ZMYM2: variants seen among roughly 807,000 people sequenced by gnomAD.
ZMYM2 encodes the protein zinc finger MYM-type protein 2.
A neutral mutation model predicts 162.8 loss-of-function variants in ZMYM2; 56 were observed. The ratio of observed to expected loss-of-function variants is 0.34; its 90% CI spans 0.28 to 0.43. ZMYM2 has a LOEUF of 0.43. Ranked by LOEUF, ZMYM2 falls within the 20% of genes least tolerant of loss-of-function variation. The pLI, the probability that ZMYM2 is intolerant of heterozygous loss-of-function variation, is 1.00. For missense variants in ZMYM2, 1,275 were observed against 1,621.8 expected (o/e 0.79, Z 3.67); for synonymous variants, 510 against 541.6 (o/e 0.94, Z 0.81).
intron 9 of ZMYM2, among the ~76,000 whole-genome samples, chr13:20,029,677 G>A (rs1422530033): frequency 1.3e-5 from 2 of 152,086 alleles, no homozygotes; most frequent in African/African-American, 4.8e-5. Flanking sequence ...AAGATTATAT[G>A]TAATATATGA....
the ZMYM2 span, among the ~76,000 whole-genome samples, chr13:19,923,663 CTTTTTTTT>C: frequency 1.1e-4 from 8 of 72,050 alleles, no homozygotes; most frequent in Middle Eastern, 0.01. Context: ...CCTGTAGGGA[CTTTTTTTT>C]TTTTTTTTTT....
chr13:19,866,974 G>A, the ZMYM2 span, among the ~76,000 whole-genome samples: 3 of 152,168 alleles, frequency 2.0e-5, 1 homozygote, highest in African/African-American at 4.8e-5. Flanking sequence ...ATTGTAATAT[G>A]AAAATATTTA....
At chr13:20,030,398 AT>A (rs537381497) in intron 9 of ZMYM2, among the ~76,000 whole-genome samples, 20 of 115,148 alleles carry the variant, frequency 1.7e-4, no homozygotes, top group Admixed American at 2.9e-4. Context: ...TGCTCAGCTA[AT>A]TTTTTTTTTT....
At chr13:20,049,028 CT>C (rs1955073849) in intron 12 of ZMYM2, among the ~76,000 whole-genome samples, 1 of 151,816 alleles carries the variant, frequency 6.6e-6, no homozygotes, top group Admixed American at 6.6e-5. Context: ...CATTAATGAT[CT>C]TTTTAAATTG....
chr13:20,033,470 A>G (rs1953390110), intron 10 of ZMYM2, among the ~76,000 whole-genome samples: 1 of 152,172 alleles, frequency 6.6e-6, no homozygotes, highest in East Asian at 1.9e-4. Flanking sequence ...CATAGTCATA[A>G]TGGGGCAACT....
rs142679891 is a variant in ZMYM2, at chr13:20,015,642, G to A, written c.1513-3905G>A. The stretch of plus-strand genomic sequence containing the variant: ...CTTTTACGTCTGTTAATTTATTTAA[G>A]TGTATTTTGGGGGTTTTGATACTTG... On this transcript the variant is annotated intron_variant, in intron 6 of 24. Transcript: ENST00000610343. 9.2e-5 allele frequency among the ~76,000 whole-genome samples: 14 copies of A among 152,120 alleles called. No homozygotes were observed. The East Asian group carries it at 2.5e-3, about 27-fold the overall frequency.
intron 2 of ZMYM2, among the ~76,000 whole-genome samples, chr13:19,982,671 A>G (rs558831486): frequency 2.6e-4 from 39 of 152,294 alleles, no homozygotes; most frequent in African/African-American, 8.4e-4. Context: ...TGAGTATTCT[A>G]TTTTGAACTG....
the ZMYM2 span, among the ~76,000 whole-genome samples, chr13:19,883,871 C>G: frequency 6.6e-6 from 1 of 152,200 alleles, no homozygotes; most frequent in Non-Finnish European, 1.5e-5. Flanking sequence ...ACTCTCCTGC[C>G]TCCGCCTCCC....
At position 20,083,151 on chromosome 13, in the gene ZMYM2, C is replaced by T. The variant is rs191075550; in HGVS notation, c.3820+119C>T. On this transcript the variant is annotated intron_variant, in intron 23 of 24. Transcript: ENST00000610343. The stretch of plus-strand genomic sequence containing the variant: ...AGTCTCGGCTCACCGCAACCTCTAC[C>T]TCCTGGGTTCAAGCAATTCTCCTCC... 1.8e-3 allele frequency: 1,867 copies of T among 1,014,484 alleles called. 46 individuals are homozygous for T. In the East Asian group the frequency reaches 0.039, roughly 21 times the overall value. The allele number at this position is 1,014,484 out of a possible 1,614,324, so 62.8% of individuals were successfully genotyped here. A position where few individuals can be genotyped will look rare whatever the true frequency, so the allele number is the denominator to read the frequency against.
At chr13:19,929,441 A>G in the ZMYM2 span, among the ~76,000 whole-genome samples, 1 of 151,946 alleles carries the variant, frequency 6.6e-6, no homozygotes, top group East Asian at 1.9e-4. Flanking sequence ...GGTTTCACCA[A>G]GTTAGCCAGG....
intron 2 of ZMYM2, among the ~76,000 whole-genome samples, chr13:19,990,588 A>T (rs548004047): frequency 6.6e-6 from 1 of 152,076 alleles, no homozygotes; most frequent in African/African-American, 2.4e-5. Flanking sequence ...AATTTAGTTT[A>T]AAAAAAAGTG....
chr13:19,889,170 AG>A, the ZMYM2 span, among the ~76,000 whole-genome samples: 1 of 151,900 alleles, frequency 6.6e-6, no homozygotes, highest in East Asian at 1.9e-4. Context: ...GTTAGTTTTG[AG>A]AGCTTATGGG....
At chr13:20,052,081 G>T (rs1414988124) in intron 13 of ZMYM2, among the ~76,000 whole-genome samples, 196 bp from the exon 14 acceptor site, 1 of 151,980 alleles carries the variant, frequency 6.6e-6, no homozygotes, top group Non-Finnish European at 1.5e-5. Flanking sequence ...GGGGACGAAA[G>T]GAGAAAAGGA....
At chr13:20,029,435 C>T (rs549074597) in intron 9 of ZMYM2, among the ~76,000 whole-genome samples, 6 of 152,308 alleles carry the variant, frequency 3.9e-5, no homozygotes, top group African/African-American at 1.4e-4. Context: ...TAGCATATTC[C>T]ATTTGTTTTG....
intron 2 of ZMYM2, among the ~76,000 whole-genome samples, chr13:19,976,546 G>A (rs150631948): frequency 1.2e-4 from 18 of 152,088 alleles, no homozygotes; most frequent in Admixed American, 5.2e-4. Flanking sequence ...AGAACTCTAC[G>A]TATTAAACAA....
At chr13:19,986,827 G>A (rs1949186111) in intron 2 of ZMYM2, among the ~76,000 whole-genome samples, 1 of 151,852 alleles carries the variant, frequency 6.6e-6, no homozygotes, top group African/African-American at 2.4e-5. Context: ...CCTCAGCGGG[G>A]CACGGTGGCT....
intron 3 of ZMYM2, among the ~76,000 whole-genome samples, chr13:19,994,212 G>A (rs1481349974): frequency 2.0e-5 from 3 of 152,270 alleles, no homozygotes; most frequent in Non-Finnish European, 4.4e-5. Flanking sequence ...CGGGCACGGC[G>A]GCTCACACCT....
intron 6 of ZMYM2, among the ~76,000 whole-genome samples, chr13:20,019,027 C>T (rs1321440859): frequency 2.0e-5 from 3 of 148,840 alleles, no homozygotes; most frequent in Admixed American, 6.8e-5. Context: ...TTGCAGTGAG[C>T]CAAAATCATG....
At chr13:19,890,804 G>A in the ZMYM2 span, among the ~76,000 whole-genome samples, 5 of 151,490 alleles carry the variant, frequency 3.3e-5, no homozygotes, top group South Asian at 4.2e-4. Context: ...CCCGAGAGGC[G>A]GAGCTTGCGG....
Sources: allele counts gnomAD v4.1 joint callset (sites outside exome capture counted in the v4.1 genomes callset), GRCh38; gene constraint gnomAD v4.1.1; transcripts MANE v1.5; gene names NCBI Gene and HGNC (gene_info 2026-07-23, HGNC 2026-07-21).